TMEM182: variants seen among roughly 807,000 people sequenced by gnomAD.
TMEM182 encodes transmembrane protein 182.
A neutral mutation model predicts 26.8 loss-of-function variants in TMEM182; 20 were observed. That is an observed-to-expected ratio of 0.75 (90% confidence interval 0.53 to 1.09). The LOEUF (loss-of-function observed/expected upper bound fraction) is 1.09. Ranked by LOEUF, TMEM182 falls within the 50% of genes least tolerant of loss-of-function variation. The pLI, the probability that TMEM182 is intolerant of heterozygous loss-of-function variation, is 0.00. For missense variants in TMEM182, 277 were observed against 275.5 expected, an observed-to-expected ratio of 1.01 and a Z score of -0.04; for synonymous variants, 109 against 102.2, an observed-to-expected ratio of 1.07 and a Z score of -0.40.
intron 4 of TMEM182, among the ~76,000 whole-genome samples, chr2:102,812,004 ATACACATG>A (rs939428229): frequency 1.6e-4 from 24 of 152,210 alleles, no homozygotes; most frequent in African/African-American, 5.8e-4. Flanking sequence ...CTAGGTATAT[ATACACATG>A]TGTATTTTAA....
intron 3 of TMEM182, among the ~76,000 whole-genome samples, chr2:102,822,735 G>T (rs1038338382): frequency 3.9e-5 from 6 of 152,254 alleles, no homozygotes; most frequent in Middle Eastern, 3.4e-3. Flanking sequence ...AAATTAGTTT[G>T]TACAAAGAAG....
rs772054500 is a variant in TMEM182, at chr2:102,797,952, G to T, written c.421G>T (p.Ala141Ser). Residue 141 changes from alanine (A) to serine (S), a missense_variant, in exon 4 of 5, where the codon GCC becomes TCC. Physicochemically the swap from Ala to Ser is moderately conservative, Grantham distance 99. Transcript: ENST00000412401. ...SFLIICAAPFASHFLYKAGGG... is the reference protein window; with the variant it reads ...SFLIICAAPFSSHFLYKAGGG... ...TTTGATCATCTGTGCAGCCCCCTTCGCCAGCCATTTTCTCTACAAAGCTGG... is the reference window on the plus strand; with the variant it reads ...TTTGATCATCTGTGCAGCCCCCTTCTCCAGCCATTTTCTCTACAAAGCTGG... 2 of 1,612,974 alleles carry T rather than the reference G, an allele frequency of 1.2e-6. No homozygotes were observed. The highest frequency in any genetic ancestry group is 8.5e-7 in the Non-Finnish European group (1 of 1,179,876).
intron 4 of TMEM182, among the ~76,000 whole-genome samples, chr2:102,808,796 TC>T (rs1682441164): frequency 6.6e-6 from 1 of 152,178 alleles, no homozygotes; most frequent in Non-Finnish European, 1.5e-5. Context: ...GAATGCATTC[TC>T]AGGCATTATG....
intron 1 of TMEM182, among the ~76,000 whole-genome samples, chr2:102,745,606 AAT>A (rs774871560): frequency 9.9e-5 from 15 of 152,042 alleles, no homozygotes; most frequent in Non-Finnish European, 1.8e-4. Flanking sequence ...TGCCCCCCAA[AAT>A]ACCTATATAT....
Position 102,785,811 on chromosome 2 carries a change from G to A in TMEM182, c.332-12052G>A, listed in dbSNP as rs1321770430. On this transcript the variant is annotated intron_variant, in intron 3 of 4. Coordinates refer to ENST00000412401, the MANE Select transcript of TMEM182 (RefSeq NM_144632.5). ...AAATGTGATTTCTTGGATGTTAGAT[G>A]TTTATGAGGCAAATCACCTAAAAAT... Among the ~76,000 whole-genome samples, 3 of 152,154 alleles carry A rather than the reference G, an allele frequency of 2.0e-5. No individual in the cohort carries two copies. The East Asian group carries it at 5.8e-4, about 29-fold the overall frequency.
intron 3 of TMEM182, among the ~76,000 whole-genome samples, chr2:102,792,865 G>C (rs1222507841): frequency 6.6e-6 from 1 of 152,190 alleles, no homozygotes; most frequent in African/African-American, 2.4e-5. Context: ...TCAAATGAAA[G>C]GGCAGGGACT....
intron 3 of TMEM182, among the ~76,000 whole-genome samples, chr2:102,771,308 C>T (rs1013936814): frequency 6.6e-6 from 1 of 152,168 alleles, no homozygotes; most frequent in African/African-American, 2.4e-5. Context: ...TATCACGTTA[C>T]AGGAGTGGCT....
chr2:102,752,792 T>A (rs1049268065), intron 1 of TMEM182, among the ~76,000 whole-genome samples: 7 of 152,190 alleles, frequency 4.6e-5, no homozygotes, highest in Non-Finnish European at 1.0e-4. Context: ...ACTAGTAACA[T>A]ACCCCAGAGA....
intron 4 of TMEM182, among the ~76,000 whole-genome samples, chr2:102,809,060 A>G (rs944371201): frequency 1.8e-4 from 27 of 152,382 alleles, no homozygotes; most frequent in Admixed American, 4.6e-4. Flanking sequence ...AAGTATATGT[A>G]AATTAAAAGA....
chr2:102,763,184 A>G (rs193092311), intron 2 of TMEM182, among the ~76,000 whole-genome samples: 1 of 152,286 alleles, frequency 6.6e-6, no homozygotes, highest in East Asian at 1.9e-4. Flanking sequence ...GAAAGCTTAT[A>G]TTATTTGAGC....
At chr2:102,834,833 T>G (rs1683211445) in intron 3 of TMEM182, among the ~76,000 whole-genome samples, 1 of 152,188 alleles carries the variant, frequency 6.6e-6, no homozygotes, top group Non-Finnish European at 1.5e-5. Context: ...CACTCTGGGT[T>G]TTCCACTTGC....
chr2:102,753,537 A>AT (rs11287442), intron 1 of TMEM182, among the ~76,000 whole-genome samples: 18 of 151,674 alleles, frequency 1.2e-4, no homozygotes, highest in African/African-American at 3.4e-4. Context: ...ATGTATTTTT[A>AT]TTTTTTAAAA....
intron 3 of TMEM182, among the ~76,000 whole-genome samples, chr2:102,833,262 A>G (rs185421603): frequency 6.6e-6 from 1 of 152,270 alleles, no homozygotes; most frequent in East Asian, 1.9e-4. Context: ...AGTCATAGAT[A>G]GACTTTTTGC....
At chr2:102,768,637 G>T (rs1474717562) in intron 3 of TMEM182, among the ~76,000 whole-genome samples, 3 of 151,976 alleles carry the variant, frequency 2.0e-5, no homozygotes, top group Non-Finnish European at 4.4e-5. Flanking sequence ...GGAGGCGGAG[G>T]TTGCGATGAG....
At chr2:102,765,843 T>G (rs1680413393) in intron 3 of TMEM182, among the ~76,000 whole-genome samples, 1 of 152,124 alleles carries the variant, frequency 6.6e-6, no homozygotes, top group Non-Finnish European at 1.5e-5. Context: ...TCCTTCCCAT[T>G]AAAAACTGCA....
chr2:102,798,106 A>G (rs1681960684), intron 4 of TMEM182, 106 bp downstream of exon 4: 2 of 1,379,588 alleles, frequency 1.4e-6, no homozygotes, highest in African/African-American at 1.5e-5. Context: ...CAGTAACACA[A>G]TAATATTTGT....
At chr2:102,760,107 T>A (rs1171772411), upstream of TMEM182, among the ~76,000 whole-genome samples, 1 of 142,238 alleles carries the variant, frequency 7.0e-6, no homozygotes, top group Non-Finnish European at 1.6e-5. Context: ...TTTTACTATG[T>A]CTCACTTCAA....
intron 3 of TMEM182, among the ~76,000 whole-genome samples, chr2:102,768,642 G>A (rs751335709): frequency 2.0e-5 from 3 of 151,798 alleles, no homozygotes; most frequent in Non-Finnish European, 4.4e-5. Flanking sequence ...CGGAGGTTGC[G>A]ATGAGCTGAG....
intron 4 of TMEM182, among the ~76,000 whole-genome samples, chr2:102,801,654 G>C (rs1269531120): frequency 6.6e-6 from 1 of 152,140 alleles, no homozygotes; most frequent in Non-Finnish European, 1.5e-5. Context: ...CAAAATACTT[G>C]AAGTTACTAG....
Sources: gnomAD v4.1 joint callset for allele counts (sites outside exome capture counted in the v4.1 genomes callset) on GRCh38, gnomAD v4.1.1 for gene constraint, MANE v1.5 for transcripts, NCBI Gene and HGNC (gene_info 2026-07-23, HGNC 2026-07-21) for gene names.